Variants in LPA observed in about 807,000 individuals in gnomAD.
LPA encodes apolipoprotein(a).
LPA carries 199 observed loss-of-function variants against 197.9 expected under a neutral mutation model. That is an observed-to-expected ratio of 1.01 (90% confidence interval 0.90 to 1.13). LPA has a LOEUF of 1.13. Ranked by LOEUF, LPA falls within the 50% of genes most tolerant of loss-of-function variation. The pLI, the probability that LPA is intolerant of heterozygous loss-of-function variation, is 0.00. For missense variants in LPA, 1,853 were observed against 1,785.8 expected (o/e 1.04, Z -0.68); for synonymous variants, 715 against 639.5 (o/e 1.12, Z -1.78).
intron 16 of LPA, among the ~76,000 whole-genome samples, chr6:160,610,865 C>A (rs576431701): frequency 6.6e-6 from 1 of 152,294 alleles, no homozygotes; most frequent in South Asian, 2.1e-4. Flanking sequence ...CCTCTACCAT[C>A]TGTTGTCCCA....
At chr6:160,541,233 T>G in intron 34 of LPA, 52 bp from the exon 35 acceptor site, 1 of 1,284,162 alleles carries the variant, frequency 7.8e-7, no homozygotes, top group Admixed American at 1.7e-5. Flanking sequence ...TTTGTTCTAC[T>G]TCATTGTACA....
chr6:160,647,769 T>C (rs1168875347), intron 2 of LPA, among the ~76,000 whole-genome samples: 1 of 152,216 alleles, frequency 6.6e-6, no homozygotes, highest in Non-Finnish European at 1.5e-5. Flanking sequence ...ATGCTACATG[T>C]TCAAATTTTT....
At chr6:160,562,554 T>A (rs1778380514) in intron 28 of LPA, among the ~76,000 whole-genome samples, 1 of 152,154 alleles carries the variant, frequency 6.6e-6, no homozygotes, top group Admixed American at 6.5e-5. Flanking sequence ...CTCTGCCAGG[T>A]TTTGGTATCA....
At chr6:160,539,595 A>T (rs1055365031) in intron 36 of LPA, among the ~76,000 whole-genome samples, 1 of 152,152 alleles carries the variant, frequency 6.6e-6, no homozygotes, top group Non-Finnish European at 1.5e-5. Flanking sequence ...GGGCTCAAGC[A>T]ATTCTTCCTC....
chr6:160,602,217 C>T (rs926044939), intron 18 of LPA, among the ~76,000 whole-genome samples: 1 of 152,170 alleles, frequency 6.6e-6, no homozygotes. Context: ...ACTTGAAAGA[C>T]TTCTTTTTCT....
intron 37 of LPA, among the ~76,000 whole-genome samples, chr6:160,534,301 A>G (rs1777851734): frequency 6.6e-6 from 1 of 152,254 alleles, no homozygotes; most frequent in Admixed American, 6.5e-5. Context: ...CTCTCTGAGC[A>G]AGGCAAACAT....
intron 33 of LPA, 63 bp downstream of exon 33, chr6:160,545,369 TTTTTTTGC>T (rs1451553426): frequency 8.5e-6 from 10 of 1,175,294 alleles, no homozygotes; most frequent in African/African-American, 1.6e-5. Context: ...CATTTTCTGT[TTTTTTTGC>T]TTTTTTTTTT....
intron 28 of LPA, among the ~76,000 whole-genome samples, chr6:160,572,666 G>A (rs1222054184): frequency 6.6e-6 from 1 of 152,116 alleles, no homozygotes; most frequent in East Asian, 1.9e-4. Flanking sequence ...CATATATGAT[G>A]CTTACTTTCG....
chr6:160,595,260 G>A, intron 21 of LPA, 94 bp downstream of exon 21: 2 of 1,471,534 alleles, frequency 1.4e-6, no homozygotes, highest in South Asian at 2.3e-5. Flanking sequence ...ACTTGGAATT[G>A]TGTGAGCATG....
intron 28 of LPA, 102 bp downstream of exon 28, chr6:160,577,034 C>A: frequency 1.4e-6 from 2 of 1,455,332 alleles, no homozygotes; most frequent in Non-Finnish European, 9.6e-7. Context: ...AAATGTGAGT[C>A]TAAGAGAAAT....
chr6:160,532,409 C>A (rs1777821010), intron 38 of LPA, 122 bp downstream of exon 38: 1 of 792,844 alleles, frequency 1.3e-6, no homozygotes, highest in Non-Finnish European at 2.2e-6. Flanking sequence ...TTCTGAGCAA[C>A]ACTTAGACTG....
chr6:160,626,697 C>T (rs1483450949), intron 10 of LPA, among the ~76,000 whole-genome samples: 1 of 120,272 alleles, frequency 8.3e-6, no homozygotes, highest in Non-Finnish European at 1.8e-5. Context: ...AATCAGTTAT[C>T]ATACTGATAT....
intron 1 of LPA, among the ~76,000 whole-genome samples, chr6:160,660,088 C>G (rs543639228): frequency 4.7e-4 from 72 of 152,212 alleles, no homozygotes; most frequent in Non-Finnish European, 7.2e-4. Context: ...TCTTTAACAC[C>G]TGTGATACAG....
At chr6:160,587,238 A>G (rs1339727227) in intron 24 of LPA, among the ~76,000 whole-genome samples, 1 of 152,198 alleles carries the variant, frequency 6.6e-6, no homozygotes, top group African/African-American at 2.4e-5. Context: ...TTGGTCTGTC[A>G]TCTGTTTAGC....
intron 4 of LPA, among the ~76,000 whole-genome samples, chr6:160,641,122 C>A (rs1220137056): frequency 1.5e-5 from 2 of 132,148 alleles, no homozygotes; most frequent in African/African-American, 3.1e-5. Context: ...ACACACGTGG[C>A]CGAAAAACGA....
intron 1 of LPA, among the ~76,000 whole-genome samples, chr6:160,656,064 T>C (rs929234420): frequency 6.6e-6 from 1 of 152,164 alleles, no homozygotes; most frequent in African/African-American, 2.4e-5. Context: ...AAACCACAAC[T>C]GGTAGAGCAG....
chr6:160,572,827 A>C (rs768106206), intron 28 of LPA, among the ~76,000 whole-genome samples: 1 of 152,214 alleles, frequency 6.6e-6, no homozygotes, highest in Non-Finnish European at 1.5e-5. Flanking sequence ...TCTGTCTCAC[A>C]GCTCTTAAGA....
rs1215964468 is a variant in LPA at position 160,605,159 on chromosome 6, A to C, written c.2832T>G (p.Asn944Lys). 1.2e-6 allele frequency: 2 copies of C among 1,613,944 alleles called. No homozygotes were observed. Among genetic ancestry groups the C allele is most frequent in the Non-Finnish European group, 1.7e-6 (2 of 1,179,886 alleles). The change falls in exon 18 of 39, where the codon AAT becomes AAG. Residue 944 changes from asparagine to lysine, a missense_variant. Around this residue, in one of 3 missense-constraint regions of LPA, gnomAD observed 1,737 missense variants for 1,504.4 expected, o/e 1.15. Transcript: ENST00000316300. The stretch of plus-strand genomic sequence containing the variant: ...AGTATGTGCCTTGATAACTCTGTCC[A>C]TTTCCGTGGTAGCACTCCTGCACCC... ...RPGVQECYHG[N>K]GQSYQGTYFI...
Position 160,599,579 on chromosome 6 carries a change from C to G in LPA, c.3208G>C (p.Val1070Leu). 6.2e-7 allele frequency: 1 copy of G among 1,614,098 alleles called. No homozygotes were observed. The highest frequency in any genetic ancestry group is 1.1e-5 in the South Asian group (1 of 91,086). ...QSYRGTYSTT[V>L]TGRTCQAWSS... ...CAAGCTTGGCAAGTTCTTCCTGTGA[C>G]AGTGGTGGAGTATGTGCCTCGGTAA... The change falls in exon 20 of 39, where the codon GTC (valine) becomes CTC (leucine). Residue 1070 changes from valine (V) to leucine (L), a missense_variant. This residue lies in a region of LPA where 1,737 missense variants were observed against 1,504.4 expected (regional missense o/e 1.15). Transcript: ENST00000316300.
Sources: allele counts gnomAD v4.1 joint callset (sites outside exome capture counted in the v4.1 genomes callset), GRCh38; gene constraint gnomAD v4.1.1; regional missense constraint gnomAD v4.1.1; transcripts MANE v1.5; gene names NCBI Gene and HGNC (gene_info 2026-07-23, HGNC 2026-07-21).